Variants in MAP2K2 observed in about 807,000 individuals in gnomAD.
MAP2K2 encodes the protein dual specificity mitogen-activated protein kinase kinase 2.
Under a neutral mutation model 43.7 loss-of-function variants are expected in MAP2K2, and 24 were observed. The ratio of observed to expected loss-of-function variants is 0.55; its 90% CI spans 0.40 to 0.77. The LOEUF (loss-of-function observed/expected upper bound fraction) is 0.77. MAP2K2 is among the 30% of genes least tolerant of loss of function. MAP2K2 has a pLI of 0.00. For synonymous variants in MAP2K2, 244 were observed against 239.7 expected, an observed-to-expected ratio of 1.02 and a Z score of -0.17; for missense variants, 470 against 566.8, an observed-to-expected ratio of 0.83 and a Z score of 1.73.
chr19:4,105,361 C>A (rs983828466), intron 3 of MAP2K2, among the ~76,000 whole-genome samples: 1 of 151,740 alleles, frequency 6.6e-6, no homozygotes, highest in Non-Finnish European at 1.5e-5. Context: ...CTCCGCCTCC[C>A]GGGTTCACGC....
chr19:4,091,346 TTTTAC>T (rs577264393), intron 10 of MAP2K2, among the ~76,000 whole-genome samples: 291 of 152,242 alleles, frequency 1.9e-3, no homozygotes, highest in African/African-American at 6.8e-3. Context: ...AATTAAATAC[TTTTAC>T]TTTAATTTTT....
In MAP2K2 at chr19:4,092,205, C is replaced by T. The variant is rs777283305; in HGVS notation, c.1093-1497G>A. Among the ~76,000 whole-genome samples the T allele has an allele frequency of 1.2e-3, 190 of 152,244 alleles. 1 individual carries two copies. Among genetic ancestry groups the T allele is most frequent in the Middle Eastern group, 3.4e-3 (1 of 294 alleles). ...CCAAGGTGCCTATCTTCCTAAAAGT[C>T]GGTGTAGGTATGGGTGAAAAACCAA... On this transcript the variant is annotated intron_variant, in intron 10 of 10. Transcript: ENST00000262948.
chr19:4,113,036 C>G (rs1048662197), intron 2 of MAP2K2, among the ~76,000 whole-genome samples: 1 of 152,210 alleles, frequency 6.6e-6, no homozygotes, highest in African/African-American at 2.4e-5. Context: ...TGAACGGGGG[C>G]TGCTGTCTTG....
chr19:4,095,206 G>T, intron 9 of MAP2K2, 182 bp downstream of exon 9: 1 of 597,090 alleles, frequency 1.7e-6, no homozygotes, highest in Non-Finnish European at 3.0e-6. Context: ...TGGCATGGCA[G>T]CCGGGAGCTG....
At position 4,090,337 on chromosome 19, in the gene MAP2K2, C is replaced by CTT. The variant is rs1491183505; in HGVS notation, c.*260_*261insAA. On this transcript the variant is annotated 3_prime_UTR_variant, in exon 11 of 11. Transcript: ENST00000262948. ...ATGGCGCGGTTTGCTTTTTCTCTCC[C>CTT]TGTTTTGTTTTGTAACCTAAGGAAG... 1.7e-6 allele frequency: 1 copy of CTT among 579,246 alleles called. No individual in the cohort carries two copies. The allele number at this position is 579,246 out of a possible 1,614,324, so 35.9% of individuals were successfully genotyped here. A position where few individuals can be genotyped will look rare whatever the true frequency, so the allele number is the denominator to read the frequency against.
At chr19:4,117,710 GC>G in intron 1 of MAP2K2, 81 bp from the exon 2 acceptor site, 5 of 1,218,984 alleles carry the variant, frequency 4.1e-6, no homozygotes, top group South Asian at 1.2e-5. Flanking sequence ...TGGTGCATCG[GC>G]CCCCAGGAGG....
intron 1 of MAP2K2, among the ~76,000 whole-genome samples, chr19:4,121,843 C>T (rs1332131138): frequency 1.1e-5 from 1 of 92,176 alleles, no homozygotes; most frequent in Non-Finnish European, 2.3e-5. Context: ...CAAAGTCCCC[C>T]GATCCTGACC....
intron 10 of MAP2K2, among the ~76,000 whole-genome samples, chr19:4,093,270 A>C (rs1340011103): frequency 6.6e-6 from 1 of 152,164 alleles, no homozygotes; most frequent in Non-Finnish European, 1.5e-5. Flanking sequence ...TTGGTGGCAC[A>C]CATCGGTAGC....
intron 10 of MAP2K2, among the ~76,000 whole-genome samples, chr19:4,093,161 T>G (rs2040870606): frequency 6.6e-6 from 1 of 151,930 alleles, no homozygotes; most frequent in African/African-American, 2.4e-5. Flanking sequence ...GAGGTTGCAG[T>G]GAGCCGAGAT....
chr19:4,113,265 TAGC>T (rs2145074332), intron 2 of MAP2K2, among the ~76,000 whole-genome samples: 1 of 152,126 alleles, frequency 6.6e-6, no homozygotes, highest in East Asian at 1.9e-4. Flanking sequence ...CTGTAGTAAA[TAGC>T]AGAGGCGAGG....
chr19:4,103,296 G>C (rs1160785015), intron 3 of MAP2K2: 13 of 978,820 alleles, frequency 1.3e-5, no homozygotes, highest in Non-Finnish European at 1.5e-5. Flanking sequence ...GAAATTCCAT[G>C]TCTTGCCCAA....
intron 1 of MAP2K2, among the ~76,000 whole-genome samples, chr19:4,119,890 C>T (rs1255468042): frequency 1.3e-5 from 2 of 152,252 alleles, no homozygotes; most frequent in African/African-American, 4.8e-5. Flanking sequence ...TCCCAAAGTT[C>T]GACCACTGTT....
chr19:4,102,534 G>A (rs921291616), intron 3 of MAP2K2, 81 bp from the exon 4 acceptor site: 2 of 1,142,658 alleles, frequency 1.8e-6, no homozygotes, highest in African/African-American at 1.5e-5. Context: ...CTCCCGGCGA[G>A]GGGGTGGTCT....
rs567199301 is a variant in MAP2K2 at position 4,101,543 on chromosome 19, G to C, written c.529-263C>G. Among the ~76,000 whole-genome samples, 1 of 152,320 alleles carries C rather than the reference G, an allele frequency of 6.6e-6. No individual in the cohort carries two copies. The highest frequency in any genetic ancestry group is 2.1e-4 in the South Asian group (1 of 4,830). On this transcript the variant is annotated intron_variant, in intron 4 of 10. Coordinates refer to ENST00000262948, the MANE Select transcript of MAP2K2 (RefSeq NM_030662.4). This position sits in a 1 kb window ranked among gnomAD's most constrained non-coding sequence, Gnocchi z 6.3. ...ATGCCACTACTGCCTTTGATTCAGA[G>C]CACACGGCTTAGCCCCAGGGAAGCT...
At chr19:4,120,596 C>T (rs111265373) in intron 1 of MAP2K2, among the ~76,000 whole-genome samples, 1,944 of 152,302 alleles carry the variant, frequency 0.013, 38 homozygotes, top group African/African-American at 0.045. Flanking sequence ...GGATTACAGG[C>T]GTGAGCCACC....
intron 2 of MAP2K2, among the ~76,000 whole-genome samples, chr19:4,114,311 G>A (rs892965865): frequency 2.0e-5 from 3 of 152,146 alleles, no homozygotes; most frequent in African/African-American, 7.2e-5. Flanking sequence ...CGAGGCTGCT[G>A]TTCAATTTTA....
intron 3 of MAP2K2, among the ~76,000 whole-genome samples, chr19:4,103,690 C>T (rs1031590891): frequency 2.0e-5 from 3 of 152,234 alleles, no homozygotes; most frequent in African/African-American, 4.8e-5. Flanking sequence ...CCCGGGTTGC[C>T]GCTCTCTGGC....
chr19:4,123,354 C>T (rs1486027084), intron 1 of MAP2K2, among the ~76,000 whole-genome samples: 1 of 151,970 alleles, frequency 6.6e-6, no homozygotes, highest in Non-Finnish European at 1.5e-5. Context: ...AACCTCGCTG[C>T]TCAGGGACCC....
chr19:4,095,654 G>A (rs555206997), intron 8 of MAP2K2, among the ~76,000 whole-genome samples: 1 of 152,336 alleles, frequency 6.6e-6, no homozygotes, highest in Admixed American at 6.5e-5. Flanking sequence ...GAGGGAAAGA[G>A]TGGGGTGCGT....
Sources: allele counts gnomAD v4.1 joint callset (sites outside exome capture counted in the v4.1 genomes callset), GRCh38; gene constraint gnomAD v4.1.1; non-coding constraint Gnocchi (gnomAD v3.1); transcripts MANE v1.5; gene names NCBI Gene and HGNC (gene_info 2026-07-23, HGNC 2026-07-21).